The following NEO1 variants were observed in gnomAD, a reference collection of about 807,000 sequenced individuals.
NEO1 encodes the protein neogenin.
A neutral mutation model predicts 159.7 loss-of-function variants in NEO1; 63 were observed. The ratio of observed to expected loss-of-function variants is 0.39; its 90% confidence interval spans 0.32 to 0.49. NEO1 has a LOEUF of 0.49. NEO1 is among the 20% of genes least tolerant of loss of function. The pLI is 0.85. For missense variants in NEO1, 1,615 were observed against 1,831.0 expected (o/e 0.88, Z 2.15); for synonymous variants, 633 against 662.0 (o/e 0.96, Z 0.67).
At chr15:73,247,013 A>T (rs74022929) in intron 9 of NEO1, among the ~76,000 whole-genome samples, 187 of 152,348 alleles carry the variant, frequency 1.2e-3, no homozygotes, top group African/African-American at 4.4e-3. Flanking sequence ...CAACAGTGTG[A>T]TGTGTTATCA....
chr15:73,275,340 G>A (rs1387843521), intron 21 of NEO1, among the ~76,000 whole-genome samples: 1 of 152,032 alleles, frequency 6.6e-6, no homozygotes, highest in African/African-American at 2.4e-5. Flanking sequence ...ATTAAAAGAG[G>A]ATCAAAACTA....
chr15:73,090,520 T>G (rs1001022472), intron 1 of NEO1, among the ~76,000 whole-genome samples: 4 of 152,204 alleles, frequency 2.6e-5, no homozygotes, highest in Non-Finnish European at 4.4e-5. Context: ...TATATTGAAT[T>G]TTTTAAAATA....
intron 7 of NEO1, among the ~76,000 whole-genome samples, chr15:73,216,309 C>A (rs930107960): frequency 5.8e-4 from 89 of 152,138 alleles, no homozygotes; most frequent in Non-Finnish European, 1.1e-3. Context: ...ATATGTGCCA[C>A]ATTTTCTTAA....
At chr15:73,279,679 C>A (rs754417874) in intron 22 of NEO1, among the ~76,000 whole-genome samples, 30 of 151,958 alleles carry the variant, frequency 2.0e-4, no homozygotes, top group Non-Finnish European at 3.4e-4. Flanking sequence ...GATGCAGGCT[C>A]TATGTGACAA....
At chr15:73,119,890 A>T (rs1006505610) in intron 2 of NEO1, among the ~76,000 whole-genome samples, 1 of 152,236 alleles carries the variant, frequency 6.6e-6, no homozygotes, top group Non-Finnish European at 1.5e-5. Context: ...TAATCCCAGC[A>T]CTATAGGAGG....
chr15:73,293,590 A>G (rs2151150323), intron 26 of NEO1, 42 bp downstream of exon 26: 1 of 1,576,990 alleles, frequency 6.3e-7, no homozygotes. Flanking sequence ...CCATTCCAAA[A>G]GAGTCGGCAA....
chr15:73,124,106 G>C (rs1034663515), intron 3 of NEO1, among the ~76,000 whole-genome samples: 3 of 152,100 alleles, frequency 2.0e-5, no homozygotes, highest in Non-Finnish European at 4.4e-5. Flanking sequence ...TCTGTAACCC[G>C]GGCTAGAGTG....
At chr15:73,197,162 C>A (rs2036574222) in intron 7 of NEO1, among the ~76,000 whole-genome samples, 1 of 152,060 alleles carries the variant, frequency 6.6e-6, no homozygotes, top group Admixed American at 6.6e-5. Flanking sequence ...GAGTTTGAGA[C>A]CAGCCTGGGC....
At chr15:73,215,076 C>A (rs901808193) in intron 7 of NEO1, among the ~76,000 whole-genome samples, 1 of 152,096 alleles carries the variant, frequency 6.6e-6, no homozygotes, top group African/African-American at 2.4e-5. Context: ...TGATTCTCTG[C>A]TTGGTTGCTG....
chr15:73,201,954 C>CTTTTTTTTT (rs1206304409), intron 7 of NEO1, among the ~76,000 whole-genome samples: 2 of 83,460 alleles, frequency 2.4e-5, no homozygotes, highest in African/African-American at 9.7e-5. Flanking sequence ...CTATATCATT[C>CTTTTTTTTT]TTTTTTTTTT....
At chr15:73,251,715 C>G (rs1266029752) in intron 11 of NEO1, among the ~76,000 whole-genome samples, 1 of 152,100 alleles carries the variant, frequency 6.6e-6, no homozygotes, top group Non-Finnish European at 1.5e-5. Context: ...ACTACAGTAC[C>G]TGTGGGAACT....
chr15:73,104,616 A>G (rs2070581445), intron 1 of NEO1, among the ~76,000 whole-genome samples: 1 of 152,228 alleles, frequency 6.6e-6, no homozygotes, highest in Non-Finnish European at 1.5e-5. Flanking sequence ...TTGATAGCCA[A>G]CAGATGAAGT....
intron 15 of NEO1, among the ~76,000 whole-genome samples, chr15:73,261,073 A>G (rs573484008): frequency 3.3e-5 from 5 of 152,198 alleles, no homozygotes; most frequent in African/African-American, 1.2e-4. Context: ...AGAATGGCCA[A>G]TGGGAATCTC....
At chr15:73,149,181 G>A (rs769332909) in intron 5 of NEO1, among the ~76,000 whole-genome samples, 25 of 152,008 alleles carry the variant, frequency 1.6e-4, no homozygotes, top group Non-Finnish European at 2.9e-4. Context: ...TGGGCGTGGT[G>A]GCAGGTGACT....
intron 5 of NEO1, among the ~76,000 whole-genome samples, chr15:73,144,838 C>G (rs971868906): frequency 1.3e-5 from 2 of 152,156 alleles, no homozygotes; most frequent in African/African-American, 4.8e-5. Flanking sequence ...TTTACCTGTG[C>G]TAGAAACATG....
intron 5 of NEO1, among the ~76,000 whole-genome samples, chr15:73,146,426 T>C (rs1471692273): frequency 3.3e-5 from 5 of 152,230 alleles, no homozygotes; most frequent in Non-Finnish European, 4.4e-5. Context: ...AGAATTTCAC[T>C]TTATAAACTT....
chr15:73,261,862 C>T lies in NEO1; in HGVS notation c.2398+1397C>T, dbSNP rs182348566. Among the ~76,000 whole-genome samples, 18 of 152,146 alleles carry T rather than the reference C, an allele frequency of 1.2e-4. No homozygotes were observed. In the East Asian group the frequency reaches 3.1e-3, roughly 26 times the overall value. On this transcript the variant is annotated intron_variant, in intron 15 of 28. Transcript: ENST00000261908. The stretch of plus-strand genomic sequence containing the variant: ...TTTTAAAGAATAAAATTAGAAGACC[C>T]ATACTAGCTGATTTCATGTCTTCTT...
At chr15:73,152,382 C>T (rs1262035359) in intron 5 of NEO1, among the ~76,000 whole-genome samples, 5 of 152,264 alleles carry the variant, frequency 3.3e-5, no homozygotes, top group East Asian at 3.9e-4. Flanking sequence ...CATAAAAACT[C>T]GGGAGGAGTG....
At chr15:73,233,028 T>G (rs1174810402) in intron 7 of NEO1, among the ~76,000 whole-genome samples, 1 of 152,218 alleles carries the variant, frequency 6.6e-6, no homozygotes, top group African/African-American at 2.4e-5. Context: ...CGCTTTATAG[T>G]TGCTTTGGGG....
Sources: allele counts gnomAD v4.1 joint callset (sites outside exome capture counted in the v4.1 genomes callset), GRCh38; gene constraint gnomAD v4.1.1; transcripts MANE v1.5; gene names NCBI Gene and HGNC (gene_info 2026-07-23, HGNC 2026-07-21).